DOP1A: variants seen among roughly 807,000 people sequenced by gnomAD.
DOP1A encodes the protein DOP1 leucine zipper like protein A.
A neutral mutation model predicts 267.6 loss-of-function variants in DOP1A; 90 were observed. That is an observed-to-expected ratio of 0.34 (90% CI 0.28 to 0.40). The LOEUF (loss-of-function observed/expected upper bound fraction) is 0.40, where lower values mean the gene tolerates loss of function less well. Among genes scored for constraint, DOP1A ranks in the 10% least tolerant of loss-of-function variants. The probability of loss-of-function intolerance (pLI) is 1.00; values close to 1 mark genes in which losing one functional copy is unlikely to be tolerated. For missense variants in DOP1A, 2,437 were observed against 2,900.4 expected, an observed-to-expected ratio of 0.84 and a Z score of 3.67; for synonymous variants, 932 against 999.1, an observed-to-expected ratio of 0.93 and a Z score of 1.27.
rs1163222618 is a variant in DOP1A, at chr6:83,126,408, C to G, written c.1719+675C>G. Among the ~76,000 whole-genome samples, 5 of 152,162 alleles carry G rather than the reference C, an allele frequency of 3.3e-5. No homozygotes were observed. The East Asian group carries it at 7.7e-4, about 24-fold the overall frequency. On this transcript the variant is annotated intron_variant, in intron 15 of 38. Coordinates refer to ENST00000349129, the MANE Select transcript of DOP1A (RefSeq NM_015018.4). ...AGGTGGGGTTTCACCGGGGACCCGT[C>G]CCTGGCTGCCTAGGATTTGTCTGTC... is the stretch of plus-strand genomic sequence containing the variant.
At chr6:83,124,858 A>G (rs757948355) in intron 13 of DOP1A, 39 bp downstream of exon 13, 1 of 1,478,342 alleles carries the variant, frequency 6.8e-7, no homozygotes, top group African/African-American at 1.4e-5. Flanking sequence ...AGGAAATCGA[A>G]TAACGTAGTT....
At chr6:83,167,350 T>C in intron 38 of DOP1A, 8 of 985,486 alleles carry the variant, frequency 8.1e-6, no homozygotes, top group Non-Finnish European at 9.6e-6. Context: ...GATGCAGTAC[T>C]GACAGTAATT....
downstream of DOP1A, chr6:83,169,528 AAATAAGGT>A (rs1786627249): frequency 1.7e-6 from 1 of 579,534 alleles, no homozygotes; most frequent in Non-Finnish European, 3.0e-6. Context: ...AAATTCTTCT[AAATAAGGT>A]AAGTTTTTAA....
At position 83,091,171 on chromosome 6, in the gene DOP1A, C is replaced by T. The variant is rs190454302; in HGVS notation, c.-146-5560C>T. Among the ~76,000 whole-genome samples, 711 of 151,914 alleles carry T rather than the reference C, an allele frequency of 4.7e-3. 18 individuals carry two copies. The highest frequency in any genetic ancestry group is 0.042 in the Admixed American group (638 of 15,246). On this transcript the variant is annotated intron_variant, in intron 1 of 38. Coordinates refer to ENST00000349129, the MANE Select transcript of DOP1A (RefSeq NM_015018.4). The stretch of plus-strand genomic sequence containing the variant: ...TATAATACCATCAGATCTCACCCAC[C>T]ACCATGAGGATACCATGGGAAAGAC...
chr6:83,117,119 T>TTTTATTTTATTTTA (rs1775571298), intron 7 of DOP1A, among the ~76,000 whole-genome samples: 11 of 131,266 alleles, frequency 8.4e-5, no homozygotes, highest in African/African-American at 2.8e-4. Context: ...TTTTAGTACT[T>TTTTATTTTATTTTA]TTTTATTTTA....
rs1286823305 is a variant in DOP1A at position 83,129,458 on chromosome 6, T to C, written c.2291T>C (p.Ile764Thr). ...FLECSSFPVY[I>T]AEGNHTSELR... is the part of the protein sequence containing the mutation. ...GAGTGCTCAAGTTTCCCAGTTTACA[T>C]TGCTGAGGGGAACCATACATCAGAG... Residue 764 changes from isoleucine (I) to threonine (T), a missense_variant, in exon 16 of 39, where the codon ATT becomes ACT. This residue lies in a region of DOP1A where 11 missense variants were observed against 30.0 expected (regional missense o/e 0.37). Coordinates refer to ENST00000349129, the MANE Select transcript of DOP1A (RefSeq NM_015018.4). 1.3e-6 allele frequency: 2 copies of C among 1,576,840 alleles called. No individual in the cohort carries two copies. The highest frequency in any genetic ancestry group is 1.7e-6 in the Non-Finnish European group (2 of 1,167,890).
chr6:83,129,591 G>C (rs574806463), intron 16 of DOP1A, 83 bp downstream of exon 16: 53 of 1,301,442 alleles, frequency 4.1e-5, no homozygotes, highest in Non-Finnish European at 5.1e-5. Flanking sequence ...CAAAACTGGG[G>C]TTTTTTTAGC....
Position 83,137,586 on chromosome 6 carries a change from C to A in DOP1A, c.3544C>A (p.Pro1182Thr), listed in dbSNP as rs143163586. The change falls in exon 21 of 39, where the codon CCA becomes ACA. Residue 1182 changes from proline to threonine, a missense_variant. Coordinates refer to ENST00000349129, the MANE Select transcript of DOP1A (RefSeq NM_015018.4). ...TCAATTAGAAATTGAAGCTATGCCC[C>A]CAAAGTGCAGTGATATAGATCCAGA... is the stretch of plus-strand genomic sequence containing the variant. Reference protein sequence around the residue: ...TSQLEIEAMPPKCSDIDPDEE... With the variant: ...TSQLEIEAMPTKCSDIDPDEE... 485 of 1,613,606 alleles carry A rather than the reference C, an allele frequency of 3.0e-4. 1 individual carries two copies. The highest frequency in any genetic ancestry group is 3.2e-4 in the Admixed American group (19 of 59,940).
chr6:83,129,400 T>C lies in DOP1A; in HGVS notation c.2233T>C (p.Ser745Pro). ...SKQKTSKEYL[S>P]AFLAACQLFL... ...ACAAAAAACTTCTAAAGAATACCTG[T>C]CTGCCTTCCTTGCTGCCTGTCAGCT... The change falls in exon 16 of 39, where the codon TCT (serine) becomes CCT (proline). Residue 745 changes from serine to proline, a missense_variant. Physicochemically the swap from Ser to Pro is moderately conservative, Grantham distance 74. Transcript: ENST00000349129. 2 of 1,611,380 alleles carry C rather than the reference T, an allele frequency of 1.2e-6. No homozygotes were observed. The highest frequency in any genetic ancestry group is 1.7e-6 in the Non-Finnish European group (2 of 1,179,164).
Position 83,132,261 on chromosome 6 carries a change from A to G in DOP1A, c.2702A>G (p.His901Arg), listed in dbSNP as rs748001787. 24 of 1,613,758 alleles carry G rather than the reference A, an allele frequency of 1.5e-5. No homozygotes were observed. Among genetic ancestry groups the G allele is most frequent in the Admixed American group, 8.3e-5 (5 of 59,970 alleles). Residue 901 changes from histidine to arginine, a missense_variant, in exon 18 of 39, where the codon CAT becomes CGT. By Grantham distance (29) the His-to-Arg change is conservative (BLOSUM62 0). This residue lies in a region of DOP1A where 878 missense variants were observed against 992.9 expected (regional missense o/e 0.88). Transcript: ENST00000349129. Reference sequence around the variant, plus strand: ...AGTGTGGAACTATTTTATCAATTACATAACTTAGTTCCTTCTTCTAGCATC... The same window carrying G: ...AGTGTGGAACTATTTTATCAATTACGTAACTTAGTTCCTTCTTCTAGCATC... The part of the protein sequence containing the change: ...QKSVELFYQL[H>R]NLVPSSSICE...
chr6:83,152,844 C>T (rs1308463962), intron 30 of DOP1A, among the ~76,000 whole-genome samples: 2 of 152,068 alleles, frequency 1.3e-5, no homozygotes, highest in African/African-American at 4.8e-5. Flanking sequence ...TCTCGAACTC[C>T]TGACCTCAGG....
chr6:83,095,390 C>G (rs1002597726), intron 1 of DOP1A, among the ~76,000 whole-genome samples: 8 of 150,840 alleles, frequency 5.3e-5, no homozygotes, highest in African/African-American at 1.9e-4. Context: ...CAACTTTGTT[C>G]TTTTGCACAT....
At chr6:83,077,180 C>G (rs1433414575) in intron 1 of DOP1A, among the ~76,000 whole-genome samples, 1 of 152,168 alleles carries the variant, frequency 6.6e-6, no homozygotes, top group Non-Finnish European at 1.5e-5. Context: ...GTACTTAACA[C>G]TACTGAACTG....
chr6:83,166,204 A>G (rs1785500474), intron 38 of DOP1A: 2 of 509,192 alleles, frequency 3.9e-6, no homozygotes, highest in Non-Finnish European at 6.9e-6. Flanking sequence ...CACCTTTTCA[A>G]TTTGCTTCAA....
chr6:83,145,659 G>A lies in DOP1A; in HGVS notation c.5676+1G>A, dbSNP rs1327537194. 1 of 1,607,486 alleles carries A rather than the reference G, an allele frequency of 6.2e-7. No individual in the cohort carries two copies. Among genetic ancestry groups the A allele is most frequent in the Non-Finnish European group, 8.5e-7 (1 of 1,177,868 alleles). The stretch of plus-strand genomic sequence containing the variant: ...GCCACCAGCCATAGCCAAGGACAAG[G>A]TAAGAAAAAACTCTTCTTCACATGT... On this transcript the variant is annotated splice_donor_variant, in intron 25 of 38. Transcript: ENST00000349129. LOFTEE classifies it high-confidence loss of function.
At chr6:83,107,010 G>A (rs761597142) in intron 4 of DOP1A, among the ~76,000 whole-genome samples, 31 of 152,276 alleles carry the variant, frequency 2.0e-4, no homozygotes, top group Admixed American at 4.6e-4. Flanking sequence ...AGTTTCAGTG[G>A]AGGAGGTAGA....
intron 1 of DOP1A, among the ~76,000 whole-genome samples, chr6:83,088,188 T>C (rs1769655618): frequency 6.6e-6 from 1 of 151,740 alleles, no homozygotes; most frequent in Admixed American, 6.6e-5. Flanking sequence ...TGATGGGTTT[T>C]AAGCAAAGGA....
At chr6:83,166,904 A>G (rs1387579259) in intron 38 of DOP1A, 1 of 989,590 alleles carries the variant, frequency 1.0e-6, no homozygotes, top group East Asian at 1.1e-4. Context: ...AGTCTTCATG[A>G]TTTCTTCCTT....
Position 83,140,123 on chromosome 6 carries a change from C to T in DOP1A, c.5232+12C>T. On this transcript the variant is annotated intron_variant, in intron 22 of 38. Coordinates refer to ENST00000349129, the MANE Select transcript of DOP1A (RefSeq NM_015018.4). ...CACAGTATCACCAAGTAAGACTGCA[C>T]AAATATTTGACTTCTTTTGAAAGAC... 1 of 1,607,556 alleles carries T rather than the reference C, an allele frequency of 6.2e-7. No individual in the cohort carries two copies. Among genetic ancestry groups the T allele is most frequent in the Non-Finnish European group, 8.5e-7 (1 of 1,175,806 alleles).
Sources: gnomAD v4.1 joint callset for allele counts (sites outside exome capture counted in the v4.1 genomes callset) on GRCh38, gnomAD v4.1.1 for gene constraint, gnomAD v4.1.1 regional missense constraint, MANE v1.5 for transcripts, NCBI Gene and HGNC (gene_info 2026-07-23, HGNC 2026-07-21) for gene names.